Variants in FRMD3 observed in about 807,000 individuals in gnomAD.
FRMD3 encodes FERM domain containing 3, also known as FERM domain-containing protein 3.
A neutral mutation model predicts 70.2 loss-of-function variants in FRMD3; 33 were observed. The observed-to-expected ratio is 0.47, with a 90% confidence interval of 0.36 to 0.63. The LOEUF (loss-of-function observed/expected upper bound fraction) is 0.63, where lower values mean the gene tolerates loss of function less well. Among genes scored for constraint, FRMD3 ranks in the 20% least tolerant of loss-of-function variants. FRMD3 has a pLI of 0.00. For missense variants in FRMD3, 632 were observed against 711.4 expected, an observed-to-expected ratio of 0.89 and a Z score of 1.27; for synonymous variants, 279 against 255.9, an observed-to-expected ratio of 1.09 and a Z score of -0.86.
At chr9:83,305,824 G>C (rs1485358954) in intron 10 of FRMD3, among the ~76,000 whole-genome samples, 1 of 152,220 alleles carries the variant, frequency 6.6e-6, no homozygotes, top group African/African-American at 2.4e-5. Flanking sequence ...CCAATGCAAA[G>C]ACTGGTCAAC....
At chr9:83,370,903 C>T (rs1300723052) in intron 3 of FRMD3, among the ~76,000 whole-genome samples, 1 of 151,800 alleles carries the variant, frequency 6.6e-6, no homozygotes, top group African/African-American at 2.4e-5. Flanking sequence ...GAATGAGACC[C>T]TGTCTTAAAA....
chr9:83,392,243 C>G (rs1051201967), intron 1 of FRMD3, among the ~76,000 whole-genome samples: 1 of 152,140 alleles, frequency 6.6e-6, no homozygotes, highest in Non-Finnish European at 1.5e-5. Context: ...GCAAGCCTCA[C>G]CACCCTGAGA....
Position 83,323,236 on chromosome 9 carries a change from T to C in FRMD3, c.597-9489A>G, listed in dbSNP as rs75123552. Among the ~76,000 whole-genome samples the C allele has an allele frequency of 3.1e-3, 477 of 152,352 alleles. 1 individual carries two copies. The highest frequency in any genetic ancestry group is 5.7e-3 in the Non-Finnish European group (388 of 68,036). ...CAAGAAATAGATAGAATTTTCATAG[T>C]AGTGTTATTTGTAATAGCAAAAACT... On this transcript the variant is annotated intron_variant, in intron 6 of 13. Transcript: ENST00000304195.
chr9:83,272,439 G>A (rs990994043), intron 13 of FRMD3, among the ~76,000 whole-genome samples: 6 of 152,090 alleles, frequency 3.9e-5, no homozygotes, highest in East Asian at 1.9e-4. Flanking sequence ...GTGCAGTGGC[G>A]TGATCCCCGC....
intron 3 of FRMD3, among the ~76,000 whole-genome samples, chr9:83,364,854 G>A (rs78306476): frequency 0.012 from 1,857 of 152,242 alleles, 52 homozygotes; most frequent in African/African-American, 0.043. Flanking sequence ...CAAAAATCAT[G>A]CCTTAAAAGA....
At chr9:83,551,759 CA>C in the FRMD3 span, among the ~76,000 whole-genome samples, 1 of 152,046 alleles carries the variant, frequency 6.6e-6, no homozygotes, top group Non-Finnish European at 1.5e-5. Context: ...AGTTTGTGTG[CA>C]TAGAGGTGTT....
chr9:83,489,170 C>T (rs538229442), intron 1 of FRMD3, among the ~76,000 whole-genome samples: 2 of 152,238 alleles, frequency 1.3e-5, no homozygotes, highest in East Asian at 3.9e-4. Context: ...CTAGGAAATA[C>T]ATTTCTTGAC....
At position 83,247,668 on chromosome 9, in the gene FRMD3, T is replaced by C. The variant is rs1419195779; in HGVS notation, c.*250A>G. ...TAATAGATGAAGGGTATGTCTACACTATAATAAAAAATAAACATATTTTTG... is the reference window on the plus strand; with the variant it reads ...TAATAGATGAAGGGTATGTCTACACCATAATAAAAAATAAACATATTTTTG... On this transcript the variant is annotated 3_prime_UTR_variant, in exon 14 of 14. Coordinates refer to ENST00000304195, the MANE Select transcript of FRMD3 (RefSeq NM_174938.6). The C allele has an allele frequency of 5.7e-6, 7 of 1,218,956 alleles. No individual in the cohort carries two copies. The highest frequency in any genetic ancestry group is 7.3e-6 in the Non-Finnish European group (7 of 957,566). The allele number at this position is 1,218,956 out of a possible 1,614,324, so 75.5% of individuals were successfully genotyped here.
intron 1 of FRMD3, among the ~76,000 whole-genome samples, chr9:83,491,222 G>A (rs1828817425): frequency 6.6e-6 from 1 of 152,184 alleles, no homozygotes; most frequent in Non-Finnish European, 1.5e-5. Flanking sequence ...CAGAACTTGA[G>A]ATAAAAGGAA....
In FRMD3 at chr9:83,459,544, G is replaced by A. The variant is rs1427475492; in HGVS notation, c.148-69836C>T. On this transcript the variant is annotated intron_variant, in intron 1 of 13. Coordinates refer to ENST00000304195, the MANE Select transcript of FRMD3 (RefSeq NM_174938.6). ...ACAGAGGCTACTGAGAGATGCCTAG[G>A]CCTGTGCACATGCACAGTTCACAAG... 2.0e-5 allele frequency among the ~76,000 whole-genome samples: 3 copies of A among 152,236 alleles called. No individual in the cohort carries two copies. The East Asian group carries it at 5.8e-4, about 29-fold the overall frequency.
chr9:83,297,864 G>C, intron 12 of FRMD3: 1 of 470,782 alleles, frequency 2.1e-6, no homozygotes, highest in Non-Finnish European at 4.4e-6. Flanking sequence ...CGGTGTGGGA[G>C]AGAAATGCCA....
intron 13 of FRMD3, among the ~76,000 whole-genome samples, chr9:83,287,184 A>C (rs1834252658): frequency 6.6e-6 from 1 of 152,084 alleles, no homozygotes; most frequent in Non-Finnish European, 1.5e-5. Flanking sequence ...TGTGCCTCCA[A>C]CCCAGTGGTT....
intron 1 of FRMD3, among the ~76,000 whole-genome samples, chr9:83,447,257 T>C (rs1404759455): frequency 6.6e-6 from 1 of 152,144 alleles, no homozygotes. Flanking sequence ...ACTCCTGACC[T>C]TGTGATCTGC....
chr9:83,451,385 TACATCACACA>T (rs2131415774), intron 1 of FRMD3, among the ~76,000 whole-genome samples: 1 of 84,914 alleles, frequency 1.2e-5, no homozygotes, highest in South Asian at 4.9e-4. Context: ...CACAAATACA[TACATCACACA>T]CACACACACA....
chr9:83,500,701 T>C (rs978918791), intron 1 of FRMD3, among the ~76,000 whole-genome samples: 5 of 152,196 alleles, frequency 3.3e-5, no homozygotes, highest in African/African-American at 1.2e-4. Context: ...GAATGACAGA[T>C]TCAATTAGTC....
Position 83,434,670 on chromosome 9 carries a change from G to T in FRMD3, c.148-44962C>A, listed in dbSNP as rs1035074721. Among the ~76,000 whole-genome samples, 67 of 152,164 alleles carry T rather than the reference G, an allele frequency of 4.4e-4. 4 individuals carry two copies. ...AACAGTCCTCTCCCAATGTCTTAAAGCCTTGGGATTCTCATGGTTTCCAGT... is the reference window on the plus strand; with the variant it reads ...AACAGTCCTCTCCCAATGTCTTAAATCCTTGGGATTCTCATGGTTTCCAGT... On this transcript the variant is annotated intron_variant, in intron 1 of 13. Coordinates refer to ENST00000304195, the MANE Select transcript of FRMD3 (RefSeq NM_174938.6).
chr9:83,244,413 G>C (rs971097264), downstream of FRMD3, among the ~76,000 whole-genome samples: 2 of 151,880 alleles, frequency 1.3e-5, no homozygotes, highest in Non-Finnish European at 2.9e-5. Flanking sequence ...TTTTATGTTT[G>C]AGCATATTTT....
chr9:83,553,696 G>A, the FRMD3 span, among the ~76,000 whole-genome samples: 1 of 152,146 alleles, frequency 6.6e-6, no homozygotes, highest in Non-Finnish European at 1.5e-5. Context: ...GTGTTATTCA[G>A]GTCTGTCAGA....
intron 1 of FRMD3, among the ~76,000 whole-genome samples, chr9:83,423,821 C>T (rs904394485): frequency 2.6e-5 from 4 of 151,942 alleles, no homozygotes; most frequent in Admixed American, 6.6e-5. Flanking sequence ...GTCTCAAACT[C>T]CTGACCTCAG....
Sources: allele counts gnomAD v4.1 joint callset (sites outside exome capture counted in the v4.1 genomes callset), GRCh38; gene constraint gnomAD v4.1.1; transcripts MANE v1.5; gene names NCBI Gene and HGNC (gene_info 2026-07-23, HGNC 2026-07-21).